ADCK1: variants seen among roughly 807,000 people sequenced by gnomAD.
ADCK1 encodes aarF domain-containing protein kinase 1.
In ADCK1, 41 loss-of-function variants were observed where a neutral mutation model predicts 52.3. The ratio of observed to expected loss-of-function variants is 0.78; its 90% CI spans 0.61 to 1.02. The LOEUF (loss-of-function observed/expected upper bound fraction) is 1.02. Ranked by LOEUF, ADCK1 falls within the 50% of genes least tolerant of loss-of-function variation. ADCK1 has a pLI of 0.00. For synonymous variants in ADCK1, 250 were observed against 274.6 expected, an observed-to-expected ratio of 0.91 and a Z score of 0.89; for missense variants, 658 against 679.5, an observed-to-expected ratio of 0.97 and a Z score of 0.35.
intron 4 of ADCK1, among the ~76,000 whole-genome samples, chr14:77,884,132 CT>C (rs2083094920): frequency 6.6e-6 from 1 of 152,228 alleles, no homozygotes; most frequent in Non-Finnish European, 1.5e-5. Flanking sequence ...ACTGGTTGTC[CT>C]TCTCAGACAA....
At chr14:77,858,563 C>T (rs767837378) in intron 3 of ADCK1, among the ~76,000 whole-genome samples, 3 of 152,102 alleles carry the variant, frequency 2.0e-5, no homozygotes, top group African/African-American at 4.8e-5. Context: ...AGCAACAAAA[C>T]GACGGAGTTT....
chr14:77,930,709 TA>T (rs2084309323), intron 9 of ADCK1, among the ~76,000 whole-genome samples: 1 of 152,202 alleles, frequency 6.6e-6, no homozygotes, highest in Admixed American at 6.5e-5. Flanking sequence ...TTGTGAGGAT[TA>T]AATCAATTAA....
At chr14:77,832,869 C>T (rs377456003) in intron 3 of ADCK1, among the ~76,000 whole-genome samples, 26 of 152,326 alleles carry the variant, frequency 1.7e-4, no homozygotes, top group African/African-American at 5.8e-4. Context: ...TCTGGTTCTT[C>T]AGGAATATTC....
intron 9 of ADCK1, among the ~76,000 whole-genome samples, chr14:77,929,388 C>T (rs2084270554): frequency 6.6e-6 from 1 of 152,246 alleles, no homozygotes. Context: ...CCAAGCTTTA[C>T]ATCTTCATTC....
At chr14:77,895,618 C>G (rs1289589359) in intron 5 of ADCK1, among the ~76,000 whole-genome samples, 3 of 152,178 alleles carry the variant, frequency 2.0e-5, no homozygotes, top group Non-Finnish European at 4.4e-5. Flanking sequence ...TGAAATGAAT[C>G]TGCTTAAGGT....
At chr14:77,810,509 C>T (rs910865755) in intron 1 of ADCK1, among the ~76,000 whole-genome samples, 1 of 151,186 alleles carries the variant, frequency 6.6e-6, no homozygotes, top group African/African-American at 2.4e-5. Flanking sequence ...GTGACTTACT[C>T]AAGGTGTTCA....
At chr14:77,826,844 C>T (rs942031566) in intron 3 of ADCK1, among the ~76,000 whole-genome samples, 1 of 152,156 alleles carries the variant, frequency 6.6e-6, no homozygotes, top group African/African-American at 2.4e-5. Flanking sequence ...GCCAGGTGAT[C>T]AGCGGAGTCT....
chr14:77,839,178 C>T (rs562324558), intron 3 of ADCK1, among the ~76,000 whole-genome samples: 7 of 152,220 alleles, frequency 4.6e-5, no homozygotes, highest in East Asian at 3.9e-4. Flanking sequence ...AGGGCTCTCT[C>T]GCATGATGTT....
In ADCK1 at chr14:77,849,110, G is replaced by C. The variant is rs181753841; in HGVS notation, c.220-9966G>C. ...CCCAAAGTGCTGGGATTATAGGCGT[G>C]AGCCACCGCGCCCGGCCACAGTGGC... On this transcript the variant is annotated intron_variant, in intron 3 of 10. Coordinates refer to ENST00000238561, the MANE Select transcript of ADCK1 (RefSeq NM_020421.4). Among the ~76,000 whole-genome samples, 213 of 152,266 alleles carry C rather than the reference G, an allele frequency of 1.4e-3. 1 individual carries two copies. The highest frequency in any genetic ancestry group is 2.4e-3 in the Non-Finnish European group (166 of 68,012).
chr14:77,882,504 C>T (rs773314347), intron 4 of ADCK1, among the ~76,000 whole-genome samples: 2 of 152,202 alleles, frequency 1.3e-5, no homozygotes, highest in Non-Finnish European at 2.9e-5. Flanking sequence ...CTGACGTGAC[C>T]GAGTATGGGA....
chr14:77,841,544 G>T (rs1158517442), intron 3 of ADCK1, among the ~76,000 whole-genome samples: 1 of 152,034 alleles, frequency 6.6e-6, no homozygotes, highest in Non-Finnish European at 1.5e-5. Flanking sequence ...AATTTGCCAG[G>T]CCAGGCTTAG....
chr14:77,900,797 C>G, intron 6 of ADCK1: 1 of 335,234 alleles, frequency 3.0e-6, no homozygotes. Flanking sequence ...TATGATCAAA[C>G]TATTCCCTAA....
intron 3 of ADCK1, among the ~76,000 whole-genome samples, chr14:77,855,077 G>A (rs1338434799): frequency 6.6e-6 from 1 of 152,218 alleles, no homozygotes; most frequent in African/African-American, 2.4e-5. Context: ...AAAGACTCTT[G>A]TCCACATTTT....
intron 3 of ADCK1, among the ~76,000 whole-genome samples, chr14:77,831,492 CA>C (rs1248192852): frequency 6.6e-6 from 1 of 152,182 alleles, no homozygotes; most frequent in African/African-American, 2.4e-5. Flanking sequence ...TGCTTAGGAA[CA>C]TAGGGTGTTT....
intron 3 of ADCK1, among the ~76,000 whole-genome samples, chr14:77,841,848 T>TA (rs59818962): frequency 0.5 from 54,565 of 109,626 alleles, 13,301 homozygotes; most frequent in South Asian, 0.6. Flanking sequence ...TGACACTCTT[T>TA]AAAAAAAAAA....
chr14:77,815,029 G>GAGGC (rs1282872149), intron 1 of ADCK1, among the ~76,000 whole-genome samples: 1 of 150,308 alleles, frequency 6.7e-6, no homozygotes, highest in Non-Finnish European at 1.5e-5. Flanking sequence ...TGGGATTACA[G>GAGGC]AGGCACGTGA....
rs555996424 is a variant in ADCK1 at position 77,932,238 on chromosome 14, G to A, written c.1400+527G>A. On this transcript the variant is annotated intron_variant, in intron 10 of 10. Coordinates refer to ENST00000238561, the MANE Select transcript of ADCK1 (RefSeq NM_020421.4). ...TAATTTTTATATTTTTAGTAGAGAC[G>A]GGGTTTCACCGTGTTGGCCAGGCTG... 2.6e-5 allele frequency among the ~76,000 whole-genome samples: 4 copies of A among 152,098 alleles called. No individual in the cohort carries two copies. In the East Asian group the frequency reaches 5.8e-4, roughly 22 times the overall value.
At chr14:77,825,646 T>G (rs192718165) in intron 3 of ADCK1, among the ~76,000 whole-genome samples, 4 of 151,772 alleles carry the variant, frequency 2.6e-5, no homozygotes, top group Admixed American at 2.0e-4. Context: ...TTAGGTTTTT[T>G]TTTTTTTTTT....
intron 3 of ADCK1, among the ~76,000 whole-genome samples, chr14:77,823,635 T>C (rs10873312): frequency 0.62 from 93,992 of 151,094 alleles, 29,870 homozygotes; most frequent in Middle Eastern, 0.7. Flanking sequence ...TGCAGTGGTG[T>C]GATCTCGGCT....
Sources: gnomAD v4.1 joint callset for allele counts (sites outside exome capture counted in the v4.1 genomes callset) on GRCh38, gnomAD v4.1.1 for gene constraint, MANE v1.5 for transcripts, NCBI Gene and HGNC (gene_info 2026-07-23, HGNC 2026-07-21) for gene names.